Variants in BRI3 observed in about 807,000 individuals in gnomAD.
BRI3 encodes the protein brain protein I3, also known as membrane protein BRI3.
BRI3 carries 6 observed loss-of-function variants against 12.8 expected under a neutral mutation model. The ratio of observed to expected loss-of-function variants is 0.47; its 90% CI spans 0.26 to 0.93. BRI3 has a LOEUF of 0.93. Ranked by LOEUF, BRI3 falls within the 40% of genes least tolerant of loss-of-function variation. The pLI is 0.15. For synonymous variants in BRI3, 91 were observed against 76.1 expected (o/e 1.20, Z -1.02); for missense variants, 134 against 171.1 (o/e 0.78, Z 1.21).
At chr7:98,320,713 T>C in the BRI3 span, among the ~76,000 whole-genome samples, 1 of 152,210 alleles carries the variant, frequency 6.6e-6, no homozygotes, top group East Asian at 1.9e-4. Flanking sequence ...TCAGGGTCTC[T>C]AAGCATCATC....
Position 98,291,085 on chromosome 7 carries a change from ACCCTCTCTGC to A in BRI3, c.246-23_246-14del, listed in dbSNP as rs766891910. 8.1e-6 allele frequency: 13 copies of A among 1,613,174 alleles called. No homozygotes were observed. In the South Asian group the frequency reaches 1.2e-4, roughly 15 times the overall value. ...TGGCTGCCCGGGTCCTTACGGTGCC[ACCCTCTCTGC>A]CCGTCTCTGCTGCAGGGTTGGGGTG... On this transcript the variant is annotated splice_polypyrimidine_tract_variant and intron_variant, in intron 2 of 2. Transcript: ENST00000297290.
the BRI3 span, chr7:98,317,506 C>T: frequency 7.6e-6 from 7 of 924,884 alleles, no homozygotes; most frequent in South Asian, 1.1e-4. Context: ...GGCCCCCACA[C>T]CCACACCAGT....
chr7:98,287,170 C>T (rs1314700133), intron 2 of BRI3, among the ~76,000 whole-genome samples: 1 of 152,258 alleles, frequency 6.6e-6, no homozygotes, highest in Admixed American at 6.5e-5. Context: ...GTCCAGCTCC[C>T]GGGCGGCACT....
At chr7:98,318,158 G>A in the BRI3 span, among the ~76,000 whole-genome samples, 2 of 152,154 alleles carry the variant, frequency 1.3e-5, no homozygotes, top group Non-Finnish European at 2.9e-5. Flanking sequence ...TTAATGTCTT[G>A]GCTTTGTTCT....
upstream of BRI3, among the ~76,000 whole-genome samples, chr7:98,304,852 A>T (rs1238417364): frequency 2.0e-5 from 3 of 148,922 alleles, no homozygotes; most frequent in Non-Finnish European, 4.4e-5. Flanking sequence ...TTCTAAACAT[A>T]TCCTCACAAG....
downstream of BRI3, chr7:98,293,255 C>A: frequency 2.6e-6 from 1 of 378,826 alleles, no homozygotes; most frequent in Non-Finnish European, 4.7e-6. Context: ...AAGATTGAAA[C>A]CAAGTTTACT....
At chr7:98,302,961 T>C (rs551326648), upstream of BRI3, among the ~76,000 whole-genome samples, 6 of 152,224 alleles carry the variant, frequency 3.9e-5, no homozygotes, top group Admixed American at 3.3e-4. Context: ...ATTTTTTATA[T>C]TTTTTGTCTA....
At position 98,307,473 on chromosome 7, in the gene BRI3, C is replaced by G. The variant is rs1800701902; in HGVS notation, n.145-42C>G. On this transcript the variant is annotated intron_variant and non_coding_transcript_variant, in intron 1 of 1. Transcript: ENST00000485422. ...TTTCAGACAGGTGACTTCATACGCT[C>G]TAATAACTATGCATGCACCAAATGT... is the stretch of plus-strand genomic sequence containing the variant. 4.2e-6 allele frequency: 6 copies of G among 1,418,354 alleles called. No homozygotes were observed. The South Asian group carries it at 9.0e-5, about 21-fold the overall frequency. The allele number at this position is 1,418,354 out of a possible 1,614,324, so 87.9% of individuals were successfully genotyped here. A position where few individuals can be genotyped will look rare whatever the true frequency, so the allele number is the denominator to read the frequency against.
the BRI3 span, among the ~76,000 whole-genome samples, chr7:98,316,374 A>G: frequency 2.0e-5 from 3 of 152,204 alleles, no homozygotes; most frequent in South Asian, 6.2e-4. Flanking sequence ...CCCCATCTGT[A>G]CAATGGGAAT....
In BRI3 at chr7:98,290,374, T is replaced by A. The variant is rs1203797585; in HGVS notation, c.246-737T>A. ...CCGCGCCCGGCTAATTTTTTGTATT[T>A]TTAGTAGAGACGGGGTTTCACCTTG... On this transcript the variant is annotated intron_variant, in intron 2 of 2. Coordinates refer to ENST00000297290, the MANE Select transcript of BRI3 (RefSeq NM_015379.5). Among the ~76,000 whole-genome samples the A allele has an allele frequency of 2.6e-5, 4 of 151,530 alleles. No homozygotes were observed. The East Asian group carries it at 5.8e-4, about 22-fold the overall frequency.
chr7:98,317,468 C>T, the BRI3 span: 1 of 1,339,048 alleles, frequency 7.5e-7, no homozygotes. Context: ...CTGACACCCT[C>T]ACTTCACACC....
chr7:98,292,494 C>T, downstream of BRI3: 1 of 798,234 alleles, frequency 1.3e-6, no homozygotes, highest in Non-Finnish European at 2.0e-6. Flanking sequence ...CTCTCCACTC[C>T]AAAATAGGTC....
At position 98,281,908 on chromosome 7, in the gene BRI3, C is replaced by G. The variant is rs1423823612; in HGVS notation, c.113C>G (p.Pro38Arg). 2 of 1,297,146 alleles carry G rather than the reference C, an allele frequency of 1.5e-6. No homozygotes were observed. The highest frequency in any genetic ancestry group is 4.1e-5 in the Admixed American group (1 of 24,456). 80.4% of individuals were successfully genotyped at this position (1,297,146 alleles called of 1,614,324 possible). A position where few individuals can be genotyped will look rare whatever the true frequency, so the allele number is the denominator to read the frequency against. ...TACGGCGCCATCCCCGCCGCGCCCC[C>G]GCCGCCGCCCTACCCCTACCTCGTC... ...HGYGAIPAAPPPPPYPYLVTG... is the reference protein window; with the variant it reads ...HGYGAIPAAPRPPPYPYLVTG... Residue 38 changes from proline (P) to arginine (R), a missense_variant, in exon 1 of 3, where the codon CCG (proline) becomes CGG (arginine). Physicochemically the swap from Pro to Arg is moderately radical, Grantham distance 103. Coordinates refer to ENST00000297290, the MANE Select transcript of BRI3 (RefSeq NM_015379.5).
intron 2 of BRI3, among the ~76,000 whole-genome samples, chr7:98,289,924 G>GGTAACCAAA: frequency 6.6e-6 from 1 of 152,202 alleles, no homozygotes; most frequent in Admixed American, 6.5e-5. Context: ...ATGGCCTGCA[G>GGTAACCAAA]GTGTCTTTAG....
Position 98,291,273 on chromosome 7 carries a change from C to A in BRI3, c.*30C>A, listed in dbSNP as rs1355875874. The A allele has an allele frequency of 6.8e-6, 11 of 1,611,216 alleles. No individual in the cohort carries two copies. The highest frequency in any genetic ancestry group is 1.3e-5 in the African/African-American group (1 of 74,738). ...AACACCAGGCCCGGCTTTCCTACAC[C>A]CAGCTCTCTTTTTCTAATGTAAATG... On this transcript the variant is annotated 3_prime_UTR_variant, in exon 3 of 3. Transcript: ENST00000297290.
At chr7:98,315,614 T>TAAAAA in the BRI3 span, 1 of 772,462 alleles carries the variant, frequency 1.3e-6, no homozygotes, top group African/African-American at 2.0e-5. Flanking sequence ...CTCCACATAC[T>TAAAAA]AAAAAAAAAA....
chr7:98,286,552 C>T (rs563363971), intron 2 of BRI3, among the ~76,000 whole-genome samples: 1 of 152,222 alleles, frequency 6.6e-6, no homozygotes, highest in South Asian at 2.1e-4. Context: ...TGGGCTCTTC[C>T]GGGTTTGGAA....
upstream of BRI3, chr7:98,306,371 G>C: frequency 6.4e-7 from 1 of 1,563,154 alleles, no homozygotes; most frequent in Non-Finnish European, 8.8e-7. Flanking sequence ...GCTAGATGGT[G>C]GTGTGTTACA....
intron 2 of BRI3, among the ~76,000 whole-genome samples, chr7:98,289,065 A>G (rs915305708): frequency 1.3e-5 from 2 of 152,092 alleles, no homozygotes; most frequent in African/African-American, 2.4e-5. Flanking sequence ...GGTTCAAGCA[A>G]TTCTGTTTCA....
Sources: gnomAD v4.1 joint callset for allele counts (sites outside exome capture counted in the v4.1 genomes callset) on GRCh38, gnomAD v4.1.1 for gene constraint, MANE v1.5 for transcripts, NCBI Gene and HGNC (gene_info 2026-07-23, HGNC 2026-07-21) for gene names.